USP50: variants seen among roughly 807,000 people sequenced by gnomAD.
The protein encoded by USP50 is ubiquitin specific peptidase 50.
USP50 carries 37 observed loss-of-function variants against 39.2 expected under a neutral mutation model. The ratio of observed to expected loss-of-function variants is 0.94; its 90% CI spans 0.73 to 1.24. The LOEUF (loss-of-function observed/expected upper bound fraction) is 1.24. Ranked by LOEUF, USP50 falls within the 50% of genes most tolerant of loss-of-function variation. USP50 has a pLI of 0.00. For missense variants in USP50, 374 were observed against 398.2 expected (o/e 0.94, Z 0.52); for synonymous variants, 139 against 144.5 (o/e 0.96, Z 0.27).
downstream of USP50, chr15:50,498,649 C>T (rs760792363): frequency 6.2e-7 from 1 of 1,612,728 alleles, no homozygotes; most frequent in East Asian, 2.2e-5. Context: ...GTGGACTTCC[C>T]GTTAGAAAAT....
At chr15:50,518,642 TA>T (rs36075181) in intron 6 of USP50, among the ~76,000 whole-genome samples, 2,139 of 148,258 alleles carry the variant, frequency 0.014, 46 homozygotes, top group African/African-American at 0.05. Context: ...CTCACCACAT[TA>T]AAAAAAAAAA....
intron 6 of USP50, chr15:50,502,698 A>G (rs62019117): frequency 0.14 from 20,851 of 151,342 alleles, 1,959 homozygotes; most frequent in Middle Eastern, 0.28. Flanking sequence ...GTTTCTTGCT[A>G]TGTTGCCCAG....
chr15:50,532,066 A>C, intron 5 of USP50: 1 of 455,536 alleles, frequency 2.2e-6, no homozygotes, highest in Non-Finnish European at 4.4e-6. Flanking sequence ...GCGTAGGAAA[A>C]CCTGAACTGT....
intron 6 of USP50, chr15:50,506,957 C>CAAAAAAAAAAAAAAA (rs58329541): frequency 8.7e-5 from 4 of 46,224 alleles, no homozygotes; most frequent in African/African-American, 3.8e-4. Flanking sequence ...GACTTCATCT[C>CAAAAAAAAAAAAAAA]AAAAAAAAAA....
chr15:50,542,481 A>AT (rs11292495), intron 3 of USP50, among the ~76,000 whole-genome samples: 23,063 of 97,630 alleles, frequency 0.24, 3,273 homozygotes, highest in East Asian at 0.44. Context: ...TTTCCTTTTC[A>AT]TTTTTTTTTT....
intron 5 of USP50, among the ~76,000 whole-genome samples, chr15:50,533,660 A>G (rs1374535082): frequency 6.6e-6 from 1 of 152,340 alleles, no homozygotes; most frequent in South Asian, 2.1e-4. Context: ...TTCACTGGAC[A>G]AAGAAAAATT....
intron 1 of USP50, among the ~76,000 whole-genome samples, chr15:50,546,099 C>T (rs763517508): frequency 3.3e-5 from 5 of 151,838 alleles, no homozygotes; most frequent in Non-Finnish European, 5.9e-5. Context: ...TGCCAGGCAG[C>T]CTGGTATCTA....
intron 6 of USP50, chr15:50,508,835 A>T (rs775405394): frequency 2.8e-5 from 2 of 71,460 alleles, no homozygotes; most frequent in Non-Finnish European, 5.8e-5. Flanking sequence ...CCGTCTCTAT[A>T]AAAAAAAAAA....
Position 50,543,755 on chromosome 15 carries a change from AT to A in USP50, c.286del (p.Met96Ter). The A allele has an allele frequency of 6.2e-7, 1 of 1,610,198 alleles. No homozygotes were observed. Among genetic ancestry groups the A allele is most frequent in the Non-Finnish European group, 8.5e-7 (1 of 1,178,034 alleles). On this transcript the variant is annotated frameshift_variant, in exon 3 of 7. Coordinates refer to ENST00000532404, the MANE Select transcript of USP50 (RefSeq NM_203494.5). LOFTEE classifies it high-confidence loss of function. ...SEVATAFAYL[M>X]TDMWLGDSDC... ...TGAGTCTCCCAGCCACATGTCTGTC[AT>A]CAGATAGGCAAAAGCAGTGGCAACT...
At chr15:50,530,427 C>CA (rs1363759063) in intron 5 of USP50, among the ~76,000 whole-genome samples, 1 of 151,470 alleles carries the variant, frequency 6.6e-6, no homozygotes, top group Non-Finnish European at 1.5e-5. Context: ...ACTAAAAATG[C>CA]AAAAAAATTA....
At chr15:50,521,637 ATT>A (rs2052851536) in intron 6 of USP50, among the ~76,000 whole-genome samples, 1 of 152,214 alleles carries the variant, frequency 6.6e-6, no homozygotes, top group Non-Finnish European at 1.5e-5. Flanking sequence ...TTGACAAACT[ATT>A]AGCTAGACTA....
downstream of USP50, chr15:50,498,772 T>G: frequency 6.4e-7 from 1 of 1,568,400 alleles, no homozygotes; most frequent in Non-Finnish European, 8.6e-7. Flanking sequence ...TCAAAGCAAG[T>G]TTAAAAAAAG....
intron 6 of USP50, among the ~76,000 whole-genome samples, chr15:50,526,164 T>TC (rs1209853428): frequency 2.6e-5 from 4 of 152,042 alleles, no homozygotes. Flanking sequence ...GCTCAAGAGA[T>TC]CCCCCCACCT....
chr15:50,543,894 G>A, intron 2 of USP50, 101 bp from the exon 3 acceptor site: 1 of 1,179,586 alleles, frequency 8.5e-7, no homozygotes, highest in Non-Finnish European at 1.2e-6. Flanking sequence ...AGAACGTGGT[G>A]TCTCATGCCT....
At chr15:50,520,878 A>G (rs181342566) in intron 6 of USP50, among the ~76,000 whole-genome samples, 259 of 152,334 alleles carry the variant, frequency 1.7e-3, no homozygotes, top group Admixed American at 4.3e-3. Flanking sequence ...CGTGGATAGA[A>G]GGAATAAGTT....
chr15:50,546,478 G>A lies in USP50; in HGVS notation c.48C>T (p.His16=), dbSNP rs372921426. The part of the protein sequence containing the change: ...SLPADDFDIY[H]VLAECTDYYD... ...TGTAGTAGATCAAGGCTCACAGGAC[G>A]TGGTAGATATCGAAGTCATCTGCAG... The change falls in exon 1 of 7, where the codon CAC becomes CAT. Residue 16 remains histidine (H), a synonymous_variant. Coordinates refer to ENST00000532404, the MANE Select transcript of USP50 (RefSeq NM_203494.5). 67 of 1,613,514 alleles carry A rather than the reference G, an allele frequency of 4.2e-5. No homozygotes were observed. The highest frequency in any genetic ancestry group is 1.1e-4 in the East Asian group (5 of 44,886).
downstream of USP50, chr15:50,493,103 C>T (rs748905382): frequency 1.3e-5 from 9 of 680,436 alleles, no homozygotes; most frequent in Non-Finnish European, 2.1e-5. Flanking sequence ...GCATCTGGTG[C>T]GCTTTTTTGC....
rs2053022800 is a variant in USP50, at chr15:50,540,909, C to T, written c.660+140G>A. ...AAAGTGCTCGGATTACAGGCATGAG[C>T]CACCGCACTCAGTCTATTTTTTTTT... is the stretch of plus-strand genomic sequence containing the variant. On this transcript the variant is annotated intron_variant, in intron 4 of 6. Transcript: ENST00000532404. The T allele has an allele frequency of 7.2e-6, 5 of 691,968 alleles. No homozygotes were observed. The East Asian group carries it at 1.4e-4, about 19-fold the overall frequency. The allele number at this position is 691,968 out of a possible 1,614,324, so 42.9% of individuals were successfully genotyped here. A position where few individuals can be genotyped will look rare whatever the true frequency, so the allele number is the denominator to read the frequency against.
intron 5 of USP50, among the ~76,000 whole-genome samples, chr15:50,537,019 G>A (rs1353642360): frequency 1.3e-5 from 2 of 152,026 alleles, no homozygotes; most frequent in African/African-American, 4.8e-5. Flanking sequence ...TAATTGGACT[G>A]ACATTACCAA....
Sources: allele counts gnomAD v4.1 joint callset (sites outside exome capture counted in the v4.1 genomes callset), GRCh38; gene constraint gnomAD v4.1.1; transcripts MANE v1.5; gene names NCBI Gene and HGNC (gene_info 2026-07-23, HGNC 2026-07-21).